ADPRH: variants seen among roughly 807,000 people sequenced by gnomAD.
ADPRH encodes ADP-ribose-L-arginine cleaving enzyme.
ADPRH carries 27 observed loss-of-function variants against 28.8 expected under a neutral mutation model. The ratio of observed to expected loss-of-function variants is 0.94; its 90% CI spans 0.69 to 1.29. ADPRH has a LOEUF of 1.29. Ranked by LOEUF, ADPRH falls within the 50% of genes most tolerant of loss-of-function variation. ADPRH has a pLI of 0.00. For synonymous variants in ADPRH, 161 were observed against 166.9 expected (o/e 0.96, Z 0.27); for missense variants, 419 against 444.8 (o/e 0.94, Z 0.52).
rs2082388783 is a variant in ADPRH at position 119,579,753 on chromosome 3, C to G, written c.-221C>G. 1 of 153,446 alleles carries G rather than the reference C, an allele frequency of 6.5e-6. No individual in the cohort carries two copies. Among genetic ancestry groups the G allele is most frequent in the Admixed American group, 6.5e-5 (1 of 15,310 alleles). The allele number at this position is 153,446 out of a possible 1,614,324, so 9.5% of individuals were successfully genotyped here. A position where few individuals can be genotyped will look rare whatever the true frequency, so the allele number is the denominator to read the frequency against. On this transcript the variant is annotated 5_prime_UTR_variant, in exon 1 of 5. Transcript: ENST00000357003. ...CCCGGTGACCCGGCTCCGCCCCAAC[C>G]CGCGCCCTCGTCCACCCGCAGCAGC... is the stretch of plus-strand genomic sequence containing the variant.
chr3:119,580,917 A>C (rs1449548610), intron 2 of ADPRH, among the ~76,000 whole-genome samples: 1 of 152,180 alleles, frequency 6.6e-6, no homozygotes, highest in African/African-American at 2.4e-5. Flanking sequence ...TTCTAAGAGA[A>C]ACAATATTTA....
At chr3:119,583,235 A>C (rs1322015633) in intron 3 of ADPRH, among the ~76,000 whole-genome samples, 1 of 152,230 alleles carries the variant, frequency 6.6e-6, no homozygotes, top group Admixed American at 6.5e-5. Context: ...ACTCTAAAAA[A>C]TAAAGAAATA....
intron 4 of ADPRH, 45 bp downstream of exon 4, chr3:119,586,690 T>A: frequency 6.3e-7 from 1 of 1,598,704 alleles, no homozygotes; most frequent in Non-Finnish European, 8.5e-7. Flanking sequence ...GTTGAATCTG[T>A]GCGTGTACAT....
At chr3:119,587,392 C>A in intron 4 of ADPRH, 72 bp from the exon 5 acceptor site, 2 of 1,276,860 alleles carry the variant, frequency 1.6e-6, no homozygotes, top group Non-Finnish European at 2.1e-6. Flanking sequence ...TTCACACATC[C>A]ATCTGGTGCT....
chr3:119,586,186 C>T, intron 3 of ADPRH, 99 bp from the exon 4 acceptor site: 1 of 1,548,612 alleles, frequency 6.5e-7, no homozygotes. Flanking sequence ...CTCTCCCTTT[C>T]CATCAAAAAT....
At chr3:119,580,149 C>G (rs1358041382) in intron 1 of ADPRH, 1 of 152,312 alleles carries the variant, frequency 6.6e-6, no homozygotes, top group African/African-American at 2.4e-5. Flanking sequence ...CTTCTTCCCC[C>G]ATCCCAGCTT....
In ADPRH at chr3:119,586,400, C is replaced by T. The variant is rs146369894; in HGVS notation, c.414C>T (p.Ile138=). ...GGGCTGCCATGCGGGCCATGTGCAT[C>T]GGTCTCAGGTTCCCACACCATAGCC... The part of the protein sequence containing the change: ...GCGAAMRAMC[I]GLRFPHHSQL... Residue 138 remains isoleucine (I), a synonymous_variant, in exon 4 of 5, where the codon ATC becomes ATT. Coordinates refer to ENST00000357003, the MANE Select transcript of ADPRH (RefSeq NM_001125.4). 237 of 1,614,224 alleles carry T rather than the reference C, an allele frequency of 1.5e-4. No homozygotes were observed. In the African/African-American group the frequency reaches 2.7e-3, roughly 18 times the overall value.
chr3:119,583,854 T>G (rs1315818353), intron 3 of ADPRH, among the ~76,000 whole-genome samples: 1 of 152,094 alleles, frequency 6.6e-6, no homozygotes, highest in Non-Finnish European at 1.5e-5. Context: ...CTCGGCTCAC[T>G]GCAACCTCTG....
At chr3:119,585,681 C>G (rs996151940) in intron 3 of ADPRH, among the ~76,000 whole-genome samples, 1 of 152,248 alleles carries the variant, frequency 6.6e-6, no homozygotes, top group Non-Finnish European at 1.5e-5. Context: ...TTCCAAATAG[C>G]TGGGACTACA....
At chr3:119,585,181 A>G (rs2082446505) in intron 3 of ADPRH, among the ~76,000 whole-genome samples, 1 of 152,310 alleles carries the variant, frequency 6.6e-6, no homozygotes, top group South Asian at 2.1e-4. Context: ...CTTTCTCGGC[A>G]TCTGATAGCT....
chr3:119,587,176 G>A (rs1400931751), intron 4 of ADPRH, among the ~76,000 whole-genome samples: 4 of 152,136 alleles, frequency 2.6e-5, no homozygotes, highest in East Asian at 3.9e-4. Flanking sequence ...CATTACTCTC[G>A]ACCCTCCCAG....
intron 2 of ADPRH, among the ~76,000 whole-genome samples, chr3:119,581,161 G>A (rs1160537193): frequency 1.3e-5 from 2 of 148,370 alleles, no homozygotes; most frequent in Non-Finnish European, 3.0e-5. Context: ...TCTGCCTCCT[G>A]GGTTCAAGCG....
In ADPRH at chr3:119,586,664, G is replaced by A. The variant is rs376458785; in HGVS notation, c.659+19G>A. 5 of 1,608,488 alleles carry A rather than the reference G, an allele frequency of 3.1e-6. No individual in the cohort carries two copies. The highest frequency in any genetic ancestry group is 1.7e-5 in the Admixed American group (1 of 58,102). ...AACACTGGTGAGTCTGTAAGCGCAC[G>A]CCCTGCTCAAACACGGTTGAATCTG... is the stretch of plus-strand genomic sequence containing the variant. On this transcript the variant is annotated intron_variant, in intron 4 of 4. Coordinates refer to ENST00000357003, the MANE Select transcript of ADPRH (RefSeq NM_001125.4).
Position 119,589,091 on chromosome 3 carries a change from T to C in ADPRH, c.*1213T>C, listed in dbSNP as rs555540578. ...CTTGTCCTTCAAGACCCAACTCAGA[T>C]AGATAGAGCTTCCTGAGTGAAACCT... On this transcript the variant is annotated 3_prime_UTR_variant, in exon 5 of 5. Coordinates refer to ENST00000357003, the MANE Select transcript of ADPRH (RefSeq NM_001125.4). The C allele has an allele frequency of 1.3e-5, 2 of 152,396 alleles. No homozygotes were observed. Among genetic ancestry groups the C allele is most frequent in the South Asian group, 4.1e-4 (2 of 4,834 alleles). 9.4% of individuals were successfully genotyped at this position (152,396 alleles called of 1,614,324 possible).
chr3:119,583,618 A>G (rs1577123836), intron 3 of ADPRH, among the ~76,000 whole-genome samples: 1 of 152,202 alleles, frequency 6.6e-6, no homozygotes, highest in Non-Finnish European at 1.5e-5. Context: ...CCTTTAAAAA[A>G]TAGATCTGTG....
chr3:119,585,735 G>C (rs1275766943), intron 3 of ADPRH, among the ~76,000 whole-genome samples: 1 of 152,076 alleles, frequency 6.6e-6, no homozygotes, highest in African/African-American at 2.4e-5. Flanking sequence ...ATTTTTAGTA[G>C]AGACGGAGTT....
At chr3:119,586,896 T>C (rs189606405) in intron 4 of ADPRH, among the ~76,000 whole-genome samples, 1 of 152,376 alleles carries the variant, frequency 6.6e-6, no homozygotes, top group Non-Finnish European at 1.5e-5. Flanking sequence ...GTCATTTTTG[T>C]GGCTATCCTA....
At chr3:119,582,531 A>G (rs2082417677) in intron 3 of ADPRH, 64 bp downstream of exon 3, 2 of 1,475,106 alleles carry the variant, frequency 1.4e-6, no homozygotes, top group East Asian at 2.3e-5. Flanking sequence ...GGAAATCATT[A>G]AGAATGTTGA....
chr3:119,585,990 A>G (rs192196580), intron 3 of ADPRH, among the ~76,000 whole-genome samples: 191 of 152,396 alleles, frequency 1.3e-3, no homozygotes, highest in Non-Finnish European at 2.4e-3. Context: ...TACTTAAAAA[A>G]GAGAACAATA....
Sources: allele counts gnomAD v4.1 joint callset (sites outside exome capture counted in the v4.1 genomes callset), GRCh38; gene constraint gnomAD v4.1.1; transcripts MANE v1.5; gene names NCBI Gene and HGNC (gene_info 2026-07-23, HGNC 2026-07-21).